TET1: variants seen among roughly 807,000 people sequenced by gnomAD.
TET1 encodes the protein methylcytosine dioxygenase TET1.
TET1 carries 13 observed loss-of-function variants against 148.7 expected under a neutral mutation model. The observed-to-expected ratio is 0.09, with a 90% CI of 0.06 to 0.14. The LOEUF (loss-of-function observed/expected upper bound fraction) is 0.14, where lower values mean the gene tolerates loss of function less well. Among genes scored for constraint, TET1 ranks in the 10% least tolerant of loss-of-function variants. The pLI is 1.00. For synonymous variants in TET1, 907 were observed against 937.2 expected, an observed-to-expected ratio of 0.97 and a Z score of 0.59; for missense variants, 2,182 against 2,553.8, an observed-to-expected ratio of 0.85 and a Z score of 3.14.
chr10:68,641,591 C>T (rs1298231739), intron 3 of TET1, among the ~76,000 whole-genome samples: 4 of 151,874 alleles, frequency 2.6e-5, no homozygotes, highest in South Asian at 2.1e-4. Flanking sequence ...CTCCGCCTCC[C>T]GGGTTCAAGC....
chr10:68,638,195 G>A (rs1234698864), intron 3 of TET1, among the ~76,000 whole-genome samples: 1 of 152,162 alleles, frequency 6.6e-6, no homozygotes, highest in Non-Finnish European at 1.5e-5. Flanking sequence ...GTGTCAGTGG[G>A]AGGAAGTGAA....
At chr10:68,611,302 A>G (rs1389743452) in intron 3 of TET1, among the ~76,000 whole-genome samples, 1 of 151,964 alleles carries the variant, frequency 6.6e-6, no homozygotes, top group Non-Finnish European at 1.5e-5. Context: ...AAAAAAAAAA[A>G]GTGACCTTTC....
At chr10:68,575,212 C>T (rs2053714514) in intron 2 of TET1, among the ~76,000 whole-genome samples, 1 of 151,960 alleles carries the variant, frequency 6.6e-6, no homozygotes, top group Non-Finnish European at 1.5e-5. Context: ...GGTGAAACCC[C>T]ATCTCTACTA....
intron 3 of TET1, among the ~76,000 whole-genome samples, chr10:68,624,730 T>C (rs1303351838): frequency 6.9e-6 from 1 of 144,952 alleles, no homozygotes; most frequent in Non-Finnish European, 1.5e-5. Flanking sequence ...TCTTTCCTTC[T>C]TTCTTTCTTT....
chr10:68,582,419 T>C (rs1317464572), intron 2 of TET1, among the ~76,000 whole-genome samples: 1 of 152,198 alleles, frequency 6.6e-6, no homozygotes, highest in Non-Finnish European at 1.5e-5. Flanking sequence ...TTAAGTCAGC[T>C]AATGTGCCAT....
At chr10:68,668,093 AC>A (rs773675726) in intron 7 of TET1, among the ~76,000 whole-genome samples, 33 of 152,104 alleles carry the variant, frequency 2.2e-4, no homozygotes, top group Non-Finnish European at 4.3e-4. Context: ...GTTTGTTTTA[AC>A]CACCTGTTAA....
At chr10:68,595,634 T>TTTTTTTTGG (rs2053969531) in intron 2 of TET1, among the ~76,000 whole-genome samples, 1 of 135,698 alleles carries the variant, frequency 7.4e-6, no homozygotes, top group Admixed American at 7.7e-5. Flanking sequence ...TTTTTTTTTT[T>TTTTTTTTGG]GAGGTGTAGT....
chr10:68,675,007 A>G (rs2055330711), intron 8 of TET1: 3 of 410,480 alleles, frequency 7.3e-6, no homozygotes, highest in Admixed American at 3.4e-5. Context: ...ATGGAGCTTT[A>G]TGGTGAAGGT....
Position 68,676,236 on chromosome 10 carries a change from GTATATATA to G in TET1, c.4824+3217_4824+3224del, listed in dbSNP as rs750680550. Among the ~76,000 whole-genome samples, 365 of 55,472 alleles carry G rather than the reference GTATATATA, an allele frequency of 6.6e-3. 15 individuals carry two copies. Among genetic ancestry groups the G allele is most frequent in the African/African-American group, 0.033 (345 of 10,490 alleles). 36.4% of individuals were successfully genotyped at this position (55,472 alleles called of 152,430 possible). A position where few individuals can be genotyped will look rare whatever the true frequency, so the allele number is the denominator to read the frequency against. ...TATACACATATATATGTATGTATGT[GTATATATA>G]TATATATATATATATATATATATAT... On this transcript the variant is annotated intron_variant, in intron 8 of 11. Transcript: ENST00000373644.
chr10:68,673,902 T>C (rs763066178), intron 8 of TET1, among the ~76,000 whole-genome samples: 14 of 151,028 alleles, frequency 9.3e-5, no homozygotes, highest in Non-Finnish European at 2.1e-4. Flanking sequence ...GAGTCTATGA[T>C]ACATCATTTT....
chr10:68,616,954 G>A (rs980144898), intron 3 of TET1, among the ~76,000 whole-genome samples: 12 of 126,858 alleles, frequency 9.5e-5, no homozygotes, highest in Middle Eastern at 6.9e-3. Context: ...TGATCCACCC[G>A]CCTCGGCCTC....
chr10:68,676,429 G>A (rs7095478), intron 8 of TET1, among the ~76,000 whole-genome samples: 23,379 of 150,360 alleles, frequency 0.16, 2,075 homozygotes, highest in African/African-American at 0.22. Context: ...GACTACAAGC[G>A]CCCACCACCA....
chr10:68,680,037 A>G (rs1564508204), intron 8 of TET1, among the ~76,000 whole-genome samples: 1 of 151,050 alleles, frequency 6.6e-6, no homozygotes, highest in Non-Finnish European at 1.5e-5. Context: ...AGACAAATCT[A>G]TGAATGGATC....
At chr10:68,592,383 T>C (rs2795870) in intron 2 of TET1, among the ~76,000 whole-genome samples, 7,077 of 152,218 alleles carry the variant, frequency 0.046, 205 homozygotes, top group South Asian at 0.084. Flanking sequence ...CAATCACCTC[T>C]CTTTAGTTCT....
At chr10:68,563,043 T>C (rs1351971905) in intron 1 of TET1, among the ~76,000 whole-genome samples, 1 of 152,148 alleles carries the variant, frequency 6.6e-6, no homozygotes, top group African/African-American at 2.4e-5. Context: ...CTTCTCTTGC[T>C]TTTTCTTCTA....
At chr10:68,647,470 G>A (rs117175113) in intron 4 of TET1, among the ~76,000 whole-genome samples, 265 of 152,164 alleles carry the variant, frequency 1.7e-3, no homozygotes, top group Non-Finnish European at 3.0e-3. Context: ...TGAGCATGGT[G>A]GTGCACGCCT....
intron 1 of TET1, among the ~76,000 whole-genome samples, chr10:68,567,793 A>G (rs2053624028): frequency 6.6e-6 from 1 of 152,042 alleles, no homozygotes; most frequent in African/African-American, 2.4e-5. Flanking sequence ...AGACTGTGAC[A>G]ACAGAAAATT....
intron 4 of TET1, among the ~76,000 whole-genome samples, chr10:68,650,981 TATA>T (rs1293622005): frequency 6.6e-6 from 1 of 152,236 alleles, no homozygotes; most frequent in African/African-American, 2.4e-5. Flanking sequence ...GGTTTTTTAA[TATA>T]ATGATATTGT....
In TET1 at chr10:68,672,251, A is replaced by C. The variant is rs1479148459; in HGVS notation, c.4674-644A>C. Reference sequence around the variant, plus strand: ...AGTGCCTCACACCCGTAATCCCAGAACTTTGGGAGGGTAGATAACTTGAAG... The same window carrying C: ...AGTGCCTCACACCCGTAATCCCAGACCTTTGGGAGGGTAGATAACTTGAAG... On this transcript the variant is annotated intron_variant, in intron 7 of 11. Transcript: ENST00000373644. Among the ~76,000 whole-genome samples, 5 of 151,926 alleles carry C rather than the reference A, an allele frequency of 3.3e-5. No homozygotes were observed. The East Asian group carries it at 9.6e-4, about 29-fold the overall frequency.
Sources: allele counts gnomAD v4.1 joint callset (sites outside exome capture counted in the v4.1 genomes callset), GRCh38; gene constraint gnomAD v4.1.1; transcripts MANE v1.5; gene names NCBI Gene and HGNC (gene_info 2026-07-23, HGNC 2026-07-21).